Variants in THSD4 observed in about 807,000 individuals in gnomAD.
The protein encoded by THSD4 is thrombospondin type 1 domain containing 4.
A neutral mutation model predicts 119.0 loss-of-function variants in THSD4; 69 were observed. The observed-to-expected ratio is 0.58, with a 90% confidence interval of 0.48 to 0.71. The LOEUF is 0.71. Ranked by LOEUF, THSD4 falls within the 30% of genes least tolerant of loss-of-function variation. The probability of loss-of-function intolerance (pLI) is 0.00; values close to 1 mark genes in which losing one functional copy is unlikely to be tolerated. For missense variants in THSD4, 1,393 were observed against 1,391.1 expected, an observed-to-expected ratio of 1.00 and a Z score of -0.02; for synonymous variants, 524 against 540.4, an observed-to-expected ratio of 0.97 and a Z score of 0.42.
intron 7 of THSD4, among the ~76,000 whole-genome samples, chr15:71,508,684 A>G (rs918738508): frequency 1.3e-5 from 2 of 152,178 alleles, no homozygotes; most frequent in Non-Finnish European, 2.9e-5. Flanking sequence ...AGTGAGATAC[A>G]TTTTCAGTGT....
At position 71,412,130 on chromosome 15, in the gene THSD4, T is replaced by C. The variant is rs545629840; in HGVS notation, c.1152+307T>C. Among the ~76,000 whole-genome samples the C allele has an allele frequency of 5.9e-5, 9 of 152,338 alleles. No individual in the cohort carries two copies. In the East Asian group the frequency reaches 1.7e-3, roughly 29 times the overall value. On this transcript the variant is annotated intron_variant, in intron 7 of 17. Transcript: ENST00000261862. ...TTGGATCTGGAGCTCCTTCTTTGCC[T>C]GTGAAACGGAGGTTATGGAAAGGGC...
At chr15:71,578,960 C>T (rs2049508581) in intron 7 of THSD4, among the ~76,000 whole-genome samples, 1 of 151,374 alleles carries the variant, frequency 6.6e-6, no homozygotes, top group South Asian at 2.1e-4. Flanking sequence ...TCTCCTGCCT[C>T]AGCCTCCCGA....
intron 3 of THSD4, among the ~76,000 whole-genome samples, chr15:71,199,083 C>G (rs2043745386): frequency 6.6e-6 from 1 of 152,218 alleles, no homozygotes. Context: ...AAGAAGCAAA[C>G]TGGCCTCCCT....
At chr15:71,750,597 C>T (rs1481138312) in intron 14 of THSD4, among the ~76,000 whole-genome samples, 3 of 152,214 alleles carry the variant, frequency 2.0e-5, no homozygotes, top group South Asian at 2.1e-4. Context: ...GCATATGGCC[C>T]CTGCCCCTTA....
At chr15:71,525,406 A>G (rs919047915) in intron 7 of THSD4, among the ~76,000 whole-genome samples, 1 of 152,194 alleles carries the variant, frequency 6.6e-6, no homozygotes, top group Non-Finnish European at 1.5e-5. Context: ...AAACATTGGT[A>G]AGACTTGCAA....
At chr15:71,111,408 G>A, upstream of THSD4, 2 of 1,609,788 alleles carry the variant, frequency 1.2e-6, no homozygotes, top group South Asian at 2.2e-5. Flanking sequence ...TCAGACTGTA[G>A]GTCAGCATTC....
intron 6 of THSD4, among the ~76,000 whole-genome samples, chr15:71,353,040 C>T (rs1005479093): frequency 3.3e-5 from 5 of 152,130 alleles, no homozygotes; most frequent in Admixed American, 1.3e-4. Context: ...ACCTTGCAGG[C>T]GATAACTCAC....
At chr15:71,305,139 T>C (rs2045007169) in intron 6 of THSD4, among the ~76,000 whole-genome samples, 1 of 152,194 alleles carries the variant, frequency 6.6e-6, no homozygotes, top group Non-Finnish European at 1.5e-5. Context: ...CCAGAGCTGA[T>C]GGGTGATAGG....
chr15:71,567,776 A>AGAGT (rs1555427668), intron 7 of THSD4, among the ~76,000 whole-genome samples: 3 of 150,420 alleles, frequency 2.0e-5, no homozygotes, highest in Non-Finnish European at 4.4e-5. Flanking sequence ...AGAGAGAGAG[A>AGAGT]GTGTGTGTGT....
chr15:71,686,907 C>T (rs11855316), intron 8 of THSD4, among the ~76,000 whole-genome samples: 25,313 of 151,976 alleles, frequency 0.17, 2,404 homozygotes, highest in East Asian at 0.38. Context: ...TTTTGGTGAC[C>T]GCCACACTAA....
At chr15:71,117,512 C>G (rs987655210) in intron 1 of THSD4, among the ~76,000 whole-genome samples, 1 of 152,092 alleles carries the variant, frequency 6.6e-6, no homozygotes, top group African/African-American at 2.4e-5. Flanking sequence ...ATTCTGTCCC[C>G]CACATTTATA....
At chr15:71,313,069 T>C (rs2045134493) in intron 6 of THSD4, among the ~76,000 whole-genome samples, 1 of 152,200 alleles carries the variant, frequency 6.6e-6, no homozygotes, top group South Asian at 2.1e-4. Flanking sequence ...AATGAGTAGA[T>C]GTATGATAAA....
intron 3 of THSD4, among the ~76,000 whole-genome samples, chr15:71,167,951 C>T (rs2043310197): frequency 6.6e-6 from 1 of 152,168 alleles, no homozygotes; most frequent in South Asian, 2.1e-4. Context: ...TACATCTCTG[C>T]AAAAACTGTC....
At chr15:71,734,486 G>A (rs917575635) in intron 10 of THSD4, among the ~76,000 whole-genome samples, 6 of 152,146 alleles carry the variant, frequency 3.9e-5, no homozygotes, top group African/African-American at 1.2e-4. Flanking sequence ...GGTTGCCAGG[G>A]GCTGGGAGGA....
At chr15:71,768,205 C>A (rs189381683) in intron 16 of THSD4, among the ~76,000 whole-genome samples, 1 of 151,676 alleles carries the variant, frequency 6.6e-6, no homozygotes, top group Non-Finnish European at 1.5e-5. Flanking sequence ...TGGATCTGAG[C>A]ATTGCACATC....
chr15:71,190,352 C>T lies in THSD4; in HGVS notation c.100-24683C>T, dbSNP rs186638609. 1.4e-4 allele frequency among the ~76,000 whole-genome samples: 22 copies of T among 152,298 alleles called. No individual in the cohort carries two copies. The East Asian group carries it at 4.0e-3, about 28-fold the overall frequency. Reference sequence around the variant, plus strand: ...GGAGTGGTTCTTGACATTGGCTGCACATTAGAATCACCTAGGAAATTCAAA... The same window carrying T: ...GGAGTGGTTCTTGACATTGGCTGCATATTAGAATCACCTAGGAAATTCAAA... On this transcript the variant is annotated intron_variant, in intron 3 of 17. Transcript: ENST00000261862.
chr15:71,382,074 G>A (rs1018829217), intron 6 of THSD4, among the ~76,000 whole-genome samples: 3 of 152,084 alleles, frequency 2.0e-5, no homozygotes, highest in African/African-American at 7.2e-5. Flanking sequence ...CCTTGGTTAT[G>A]TATTTAATCA....
intron 7 of THSD4, among the ~76,000 whole-genome samples, chr15:71,576,691 G>A (rs963294468): frequency 1.3e-5 from 2 of 152,064 alleles, no homozygotes; most frequent in Non-Finnish European, 2.9e-5. Context: ...TCAGTGTTAA[G>A]GACACTTTCT....
intron 6 of THSD4, among the ~76,000 whole-genome samples, chr15:71,363,323 G>A (rs2140423169): frequency 6.6e-6 from 1 of 152,332 alleles, no homozygotes; most frequent in South Asian, 2.1e-4. Context: ...TTGGGCCCAA[G>A]GGCCATAGTT....
Sources: gnomAD v4.1 joint callset for allele counts (sites outside exome capture counted in the v4.1 genomes callset) on GRCh38, gnomAD v4.1.1 for gene constraint, MANE v1.5 for transcripts, NCBI Gene and HGNC (gene_info 2026-07-23, HGNC 2026-07-21) for gene names.